ENOX1: variants seen among roughly 807,000 people sequenced by gnomAD.
The protein encoded by ENOX1 is candidate growth-related and time keeping constitutive hydroquinone (NADH) oxidase.
ENOX1 carries 42 observed loss-of-function variants against 82.5 expected under a neutral mutation model. That is an observed-to-expected ratio of 0.51 (90% confidence interval 0.40 to 0.66). The LOEUF (loss-of-function observed/expected upper bound fraction) is 0.66. Ranked by LOEUF, ENOX1 falls within the 30% of genes least tolerant of loss-of-function variation. The pLI is 0.00. For missense variants in ENOX1, 608 were observed against 811.6 expected (o/e 0.75, Z 3.05); for synonymous variants, 271 against 282.2 (o/e 0.96, Z 0.40).
Position 43,454,146 on chromosome 13 carries a change from T to C in ENOX1, c.-75+29863A>G, listed in dbSNP as rs947693433. Among the ~76,000 whole-genome samples, 11 of 152,294 alleles carry C rather than the reference T, an allele frequency of 7.2e-5. No homozygotes were observed. In the East Asian group the frequency reaches 1.9e-3, roughly 27 times the overall value. ...ATCAGCTTAGTATTTATTAAAGTAA[T>C]ATATGCCTATAGTTTAAAAAGGTGA... On this transcript the variant is annotated intron_variant, in intron 3 of 16. Transcript: ENST00000690772.
At chr13:43,273,873 C>T (rs2044842388) in intron 12 of ENOX1, among the ~76,000 whole-genome samples, 1 of 152,146 alleles carries the variant, frequency 6.6e-6, no homozygotes, top group Non-Finnish European at 1.5e-5. Context: ...CTACATTCAC[C>T]AATATTAAGG....
intron 1 of ENOX1, among the ~76,000 whole-genome samples, chr13:43,741,052 A>T (rs892440293): frequency 6.6e-6 from 1 of 151,602 alleles, no homozygotes; most frequent in African/African-American, 2.4e-5. Flanking sequence ...CTTTTGAAAA[A>T]GTGCCAAACT....
chr13:43,674,959 C>G (rs927347351), intron 1 of ENOX1, among the ~76,000 whole-genome samples: 1 of 152,074 alleles, frequency 6.6e-6, no homozygotes, highest in African/African-American at 2.4e-5. Context: ...GCTGAAGAAC[C>G]GAAAGGCCCA....
intron 9 of ENOX1, among the ~76,000 whole-genome samples, chr13:43,340,725 T>C (rs2049000950): frequency 6.6e-6 from 1 of 152,232 alleles, no homozygotes; most frequent in African/African-American, 2.4e-5. Flanking sequence ...TTCCTGCAGA[T>C]GATGCTAATA....
chr13:43,269,256 T>C (rs1357374951), intron 13 of ENOX1, among the ~76,000 whole-genome samples: 1 of 152,220 alleles, frequency 6.6e-6, no homozygotes, highest in African/African-American at 2.4e-5. Context: ...ACTGGCAGGC[T>C]TGGGCAATCT....
intron 1 of ENOX1, among the ~76,000 whole-genome samples, chr13:43,693,851 A>G (rs1465579792): frequency 6.6e-6 from 1 of 152,206 alleles, no homozygotes; most frequent in Admixed American, 6.5e-5. Flanking sequence ...ATGTCGACTA[A>G]GCTTTAAATT....
At chr13:43,770,441 A>G (rs1951520705) in intron 1 of ENOX1, among the ~76,000 whole-genome samples, 1 of 152,304 alleles carries the variant, frequency 6.6e-6, no homozygotes, top group Admixed American at 6.5e-5. Context: ...TGATTAAATC[A>G]TGCCTGAATC....
intron 16 of ENOX1, among the ~76,000 whole-genome samples, chr13:43,221,571 G>A (rs1188153396): frequency 6.6e-6 from 1 of 152,264 alleles, no homozygotes; most frequent in Admixed American, 6.5e-5. Context: ...AAGTGTTTCT[G>A]ATACAAGAGA....
chr13:43,471,958 A>T (rs1454906625), intron 3 of ENOX1, among the ~76,000 whole-genome samples: 9 of 152,080 alleles, frequency 5.9e-5, no homozygotes, highest in Admixed American at 3.9e-4. Flanking sequence ...ATAGTTAAAC[A>T]TTTGAATATA....
intron 3 of ENOX1, among the ~76,000 whole-genome samples, chr13:43,433,737 C>CA (rs2055830272): frequency 6.6e-6 from 1 of 152,150 alleles, no homozygotes; most frequent in South Asian, 2.1e-4. Flanking sequence ...CATGTTGTTC[C>CA]ATGGCCAATT....
At chr13:43,549,227 T>C (rs1203668809) in intron 2 of ENOX1, among the ~76,000 whole-genome samples, 7 of 152,224 alleles carry the variant, frequency 4.6e-5, no homozygotes, top group Non-Finnish European at 7.3e-5. Context: ...TCCACTGTAA[T>C]ATCAGTCACA....
At chr13:43,334,782 T>G (rs1382061198) in intron 9 of ENOX1, among the ~76,000 whole-genome samples, 1 of 152,212 alleles carries the variant, frequency 6.6e-6, no homozygotes, top group Non-Finnish European at 1.5e-5. Flanking sequence ...TCTCAGTGTG[T>G]GCCCTCAGCC....
chr13:43,326,350 G>T, intron 10 of ENOX1, 69 bp downstream of exon 10: 1 of 1,349,774 alleles, frequency 7.4e-7, no homozygotes, highest in Non-Finnish European at 1.1e-6. Context: ...CATCATGGCT[G>T]CAGCCATGCT....
chr13:43,649,744 A>G (rs903503839), intron 2 of ENOX1, among the ~76,000 whole-genome samples: 9 of 152,302 alleles, frequency 5.9e-5, no homozygotes, highest in African/African-American at 2.2e-4. Context: ...TCACAAAATG[A>G]GAAAGACTTT....
At chr13:43,571,598 G>C (rs1474933682) in intron 2 of ENOX1, among the ~76,000 whole-genome samples, 1 of 152,166 alleles carries the variant, frequency 6.6e-6, no homozygotes, top group African/African-American at 2.4e-5. Context: ...GCTGAGGCAG[G>C]AGAATCGCTT....
chr13:43,439,356 C>T (rs2056229780), intron 3 of ENOX1, among the ~76,000 whole-genome samples: 1 of 152,014 alleles, frequency 6.6e-6, no homozygotes, highest in South Asian at 2.1e-4. Context: ...CCTCAGCCAC[C>T]ACGCCTGGCT....
intron 5 of ENOX1, among the ~76,000 whole-genome samples, chr13:43,383,689 A>G (rs2052220689): frequency 6.6e-6 from 1 of 152,188 alleles, no homozygotes. Flanking sequence ...TAGGGCTGCA[A>G]TTACAGAAAG....
chr13:43,317,802 G>A (rs570643392), intron 11 of ENOX1, among the ~76,000 whole-genome samples: 25 of 151,680 alleles, frequency 1.6e-4, no homozygotes, highest in Non-Finnish European at 2.4e-4. Context: ...TCAGGAGATC[G>A]AGACCATCCT....
intron 11 of ENOX1, among the ~76,000 whole-genome samples, chr13:43,307,392 G>C (rs938640811): frequency 1.3e-5 from 2 of 152,152 alleles, no homozygotes; most frequent in African/African-American, 4.8e-5. Context: ...TTCTGGAATG[G>C]GGCCCAGGGA....
Sources: allele counts gnomAD v4.1 joint callset (sites outside exome capture counted in the v4.1 genomes callset), GRCh38; gene constraint gnomAD v4.1.1; transcripts MANE v1.5; gene names NCBI Gene and HGNC (gene_info 2026-07-23, HGNC 2026-07-21).